KCNJ1: variants seen among roughly 807,000 people sequenced by gnomAD.
KCNJ1 encodes ATP-sensitive inward rectifier potassium channel 1.
In KCNJ1, 24 loss-of-function variants were observed where a neutral mutation model predicts 21.9. The ratio of observed to expected loss-of-function variants is 1.10; its 90% CI spans 0.79 to 1.54. The LOEUF is 1.54. KCNJ1 is among the 40% of genes most tolerant of loss of function. The probability of loss-of-function intolerance (pLI) is 0.00; values close to 1 mark genes in which losing one functional copy is unlikely to be tolerated. For synonymous variants in KCNJ1, 152 were observed against 160.9 expected (o/e 0.94, Z 0.42); for missense variants, 457 against 455.4 (o/e 1.00, Z -0.03).
chr11:128,841,920 G>A (rs1167973047), intron 2 of KCNJ1, among the ~76,000 whole-genome samples: 1 of 152,186 alleles, frequency 6.6e-6, no homozygotes, highest in African/African-American at 2.4e-5. Context: ...AGTCCCCAGT[G>A]AGGATTAGGG....
chr11:128,841,746 C>T (rs547045261), intron 2 of KCNJ1, among the ~76,000 whole-genome samples: 4 of 152,264 alleles, frequency 2.6e-5, no homozygotes, highest in Admixed American at 6.5e-5. Context: ...AAGAAGCCAA[C>T]GCCAAGTCGA....
intron 1 of KCNJ1, among the ~76,000 whole-genome samples, chr11:128,860,368 G>C (rs1943682523): frequency 6.6e-6 from 1 of 152,230 alleles, no homozygotes; most frequent in Admixed American, 6.5e-5. Context: ...ATGTAAAAGA[G>C]AGGCAATGAC....
chr11:128,866,408 G>C, intron 1 of KCNJ1: 2 of 211,638 alleles, frequency 9.5e-6, no homozygotes, highest in Non-Finnish European at 1.6e-5. Flanking sequence ...CCAGCTAAAA[G>C]GAGAAAAATT....
At chr11:128,843,685 T>A (rs770672330) in intron 2 of KCNJ1, among the ~76,000 whole-genome samples, 3 of 152,168 alleles carry the variant, frequency 2.0e-5, no homozygotes, top group African/African-American at 7.2e-5. Context: ...TTTAAAAAGA[T>A]CCCCATCAGC....
chr11:128,841,558 T>G (rs1943282022), intron 2 of KCNJ1, among the ~76,000 whole-genome samples: 1 of 152,190 alleles, frequency 6.6e-6, no homozygotes, highest in African/African-American at 2.4e-5. Flanking sequence ...TGGTCCGCAA[T>G]GTCTTCAGGG....
rs114850820 is a variant in KCNJ1, at chr11:128,860,568, C to T, written c.-192+6605G>A. 4.1e-3 allele frequency among the ~76,000 whole-genome samples: 623 copies of T among 152,310 alleles called. 3 individuals are homozygous for T. Among genetic ancestry groups the T allele is most frequent in the African/African-American group, 0.014 (578 of 41,564 alleles). On this transcript the variant is annotated intron_variant, in intron 1 of 2. Coordinates refer to ENST00000392666, the MANE Select transcript of KCNJ1 (RefSeq NM_153766.3). ...GAAGATTCTCTCTGAAGAACAGTCA[C>T]CAACTGGATTATTGAAAATTAGCCC... is the stretch of plus-strand genomic sequence containing the variant.
At chr11:128,852,487 C>T (rs1943493674) in intron 1 of KCNJ1, among the ~76,000 whole-genome samples, 1 of 152,170 alleles carries the variant, frequency 6.6e-6, no homozygotes, top group African/African-American at 2.4e-5. Context: ...TGGGTTCTGC[C>T]AAGCCATCAG....
chr11:128,848,011 G>A (rs1943410911), intron 2 of KCNJ1, among the ~76,000 whole-genome samples: 1 of 152,040 alleles, frequency 6.6e-6, no homozygotes, highest in Non-Finnish European at 1.5e-5. Flanking sequence ...GAGACCAGCT[G>A]GGCCCAGTGG....
At chr11:128,863,289 G>T (rs2135962960) in intron 1 of KCNJ1, among the ~76,000 whole-genome samples, 1 of 152,318 alleles carries the variant, frequency 6.6e-6, no homozygotes, top group Non-Finnish European at 1.5e-5. Context: ...AGAGGGAGGG[G>T]CAGGGACATT....
At chr11:128,858,226 G>A (rs901819009) in intron 1 of KCNJ1, among the ~76,000 whole-genome samples, 1 of 151,872 alleles carries the variant, frequency 6.6e-6, no homozygotes, top group Non-Finnish European at 1.5e-5. Flanking sequence ...ACACTGGCAA[G>A]TAAGAGCAGC....
intron 1 of KCNJ1, among the ~76,000 whole-genome samples, chr11:128,861,511 A>C (rs780874495): frequency 6.6e-6 from 1 of 152,204 alleles, no homozygotes; most frequent in Admixed American, 6.5e-5. Context: ...TCACAGGCTC[A>C]TTTATGGGAT....
At chr11:128,856,079 G>A (rs1413185835) in intron 1 of KCNJ1, among the ~76,000 whole-genome samples, 1 of 151,572 alleles carries the variant, frequency 6.6e-6, no homozygotes, top group Non-Finnish European at 1.5e-5. Flanking sequence ...AGAACTTCCG[G>A]GCGGGAAAAG....
chr11:128,844,507 G>A (rs1377143515), intron 2 of KCNJ1, among the ~76,000 whole-genome samples: 8 of 152,192 alleles, frequency 5.3e-5, no homozygotes, highest in Admixed American at 5.2e-4. Context: ...ATTCTTGAAA[G>A]CAAACATATT....
rs1385853779 is a variant in KCNJ1, at chr11:128,853,781, G to A, written c.-191-2891C>T. The stretch of plus-strand genomic sequence containing the variant: ...TCCCCATGCCTTTGGGCCCTTGTTG[G>A]AACCTCGGCTGAACTCAGCACCTGC... On this transcript the variant is annotated intron_variant, in intron 1 of 2. Transcript: ENST00000392666. Among the ~76,000 whole-genome samples the A allele has an allele frequency of 3.9e-5, 6 of 152,314 alleles. No homozygotes were observed. The South Asian group carries it at 6.2e-4, about 16-fold the overall frequency.
At chr11:128,849,180 C>T (rs900170104) in intron 2 of KCNJ1, among the ~76,000 whole-genome samples, 32 of 152,186 alleles carry the variant, frequency 2.1e-4, no homozygotes, top group African/African-American at 7.7e-4. Flanking sequence ...AGAAGTTAAG[C>T]AACTTATCCA....
rs148459337 is a variant in KCNJ1 at position 128,866,385 on chromosome 11, C to A, written c.-192+788G>T. ...CATAGCACAATCACTATGTTTTGCT[C>A]CATTTTGTAAGCCCAGCTAAAAGGA... On this transcript the variant is annotated intron_variant, in intron 1 of 2. Coordinates refer to ENST00000392666, the MANE Select transcript of KCNJ1 (RefSeq NM_153766.3). 8.8e-4 allele frequency: 151 copies of A among 170,696 alleles called. 2 individuals are homozygous for A. In the East Asian group the frequency reaches 0.024, roughly 27 times the overall value. 10.6% of individuals were successfully genotyped at this position (170,696 alleles called of 1,614,324 possible).
chr11:128,840,959 C>G (rs531856205), intron 2 of KCNJ1, among the ~76,000 whole-genome samples: 9 of 152,192 alleles, frequency 5.9e-5, no homozygotes, highest in Non-Finnish European at 2.9e-5. Context: ...TCTACCACTC[C>G]GTGTCTCAGT....
At chr11:128,848,985 C>T (rs187006866) in intron 2 of KCNJ1, among the ~76,000 whole-genome samples, 152 of 152,296 alleles carry the variant, frequency 1.0e-3, no homozygotes, top group Non-Finnish European at 1.5e-3. Context: ...TGGAGACACA[C>T]GCTGCGGCAG....
intron 1 of KCNJ1, among the ~76,000 whole-genome samples, chr11:128,862,455 G>C (rs1943733453): frequency 6.6e-6 from 1 of 152,178 alleles, no homozygotes; most frequent in African/African-American, 2.4e-5. Context: ...CCCTCTGAGG[G>C]GATGGAGTAT....
Sources: gnomAD v4.1 joint callset for allele counts (sites outside exome capture counted in the v4.1 genomes callset) on GRCh38, gnomAD v4.1.1 for gene constraint, MANE v1.5 for transcripts, NCBI Gene and HGNC (gene_info 2026-07-23, HGNC 2026-07-21) for gene names.